SVEP1: variants seen among roughly 807,000 people sequenced by gnomAD.
The protein encoded by SVEP1 is sushi, von Willebrand factor type A, EGF and pentraxin domain-containing protein 1.
SVEP1 carries 164 observed loss-of-function variants against 367.3 expected under a neutral mutation model. That is an observed-to-expected ratio of 0.45 (90% CI 0.39 to 0.51). The LOEUF (loss-of-function observed/expected upper bound fraction) is 0.51, where lower values mean the gene tolerates loss of function less well. Ranked by LOEUF, SVEP1 falls within the 20% of genes least tolerant of loss-of-function variation. The pLI, the probability that SVEP1 is intolerant of heterozygous loss-of-function variation, is 0.00. For synonymous variants in SVEP1, 1,666 were observed against 1,611.6 expected (o/e 1.03, Z -0.81); for missense variants, 4,117 against 4,425.3 (o/e 0.93, Z 1.98).
At chr9:110,413,391 T>C (rs551194639) in intron 36 of SVEP1, among the ~76,000 whole-genome samples, 5 of 104,286 alleles carry the variant, frequency 4.8e-5, no homozygotes, top group Admixed American at 1.2e-4. Flanking sequence ...GGGACTGTTG[T>C]GGGGTGGGGG....
At chr9:110,416,169 G>T (rs191717496) in intron 36 of SVEP1, among the ~76,000 whole-genome samples, 2 of 151,894 alleles carry the variant, frequency 1.3e-5, no homozygotes, top group African/African-American at 4.9e-5. Flanking sequence ...TCACAAATGG[G>T]TTGGCAGACA....
At chr9:110,511,488 C>CTTTTTTTTTTTTTTTTTTTTTTTTTTT (rs199993986) in intron 5 of SVEP1, among the ~76,000 whole-genome samples, 5 of 77,552 alleles carry the variant, frequency 6.4e-5, no homozygotes, top group East Asian at 4.3e-4. Context: ...GTGTCAGTAC[C>CTTTTTTTTTTTTTTTTTTTTTTTTTTT]TTTTTTTTTT....
intron 1 of SVEP1, among the ~76,000 whole-genome samples, chr9:110,575,010 C>G (rs1830609970): frequency 6.6e-6 from 1 of 152,138 alleles, no homozygotes; most frequent in Non-Finnish European, 1.5e-5. Context: ...CTCCCAAAGT[C>G]CTGGGATTAC....
chr9:110,485,795 C>T (rs1210698105), intron 9 of SVEP1, among the ~76,000 whole-genome samples: 3 of 152,074 alleles, frequency 2.0e-5, no homozygotes, highest in Non-Finnish European at 4.4e-5. Context: ...AAATTGTAGC[C>T]ACAAGCATTA....
At chr9:110,558,998 T>C (rs1387073930) in intron 1 of SVEP1, among the ~76,000 whole-genome samples, 1 of 152,060 alleles carries the variant, frequency 6.6e-6, no homozygotes, top group African/African-American at 2.4e-5. Context: ...TTCAATAAAA[T>C]TAATTTTTGC....
chr9:110,479,551 T>G, intron 13 of SVEP1, 84 bp downstream of exon 13: 319 of 1,430,074 alleles, frequency 2.2e-4, no homozygotes, highest in Non-Finnish European at 2.7e-4. Flanking sequence ...GGAAATAGGA[T>G]GAGAAATCGC....
chr9:110,547,635 T>C (rs1272586989), intron 2 of SVEP1, among the ~76,000 whole-genome samples: 1 of 152,140 alleles, frequency 6.6e-6, no homozygotes, highest in Non-Finnish European at 1.5e-5. Context: ...TGTACCAGCA[T>C]TCAGGTCTGG....
Position 110,489,519 on chromosome 9 carries a change from C to G in SVEP1, c.1930+131G>C, listed in dbSNP as rs532176940. 4 of 788,980 alleles carry G rather than the reference C, an allele frequency of 5.1e-6. No homozygotes were observed. The African/African-American group carries it at 5.3e-5, about 10-fold the overall frequency. 48.9% of individuals were successfully genotyped at this position (788,980 alleles called of 1,614,324 possible). Reference sequence around the variant, plus strand: ...TGAGACTTATTCACTATCATGAGGACAGCATGGGAAAGACCCACCTCTATG... The same window carrying G: ...TGAGACTTATTCACTATCATGAGGAGAGCATGGGAAAGACCCACCTCTATG... On this transcript the variant is annotated intron_variant, in intron 9 of 47. Coordinates refer to ENST00000374469, the MANE Select transcript of SVEP1 (RefSeq NM_153366.4).
chr9:110,539,064 G>C (rs1470125813), intron 3 of SVEP1, among the ~76,000 whole-genome samples: 1 of 152,044 alleles, frequency 6.6e-6, no homozygotes, highest in African/African-American at 2.4e-5. Flanking sequence ...TAAGATTTCA[G>C]CAATGAGTTC....
At chr9:110,447,110 A>G (rs1275087271) in intron 24 of SVEP1, 53 bp from the exon 25 acceptor site, 1 of 1,327,010 alleles carries the variant, frequency 7.5e-7, no homozygotes, top group Admixed American at 3.5e-5. Flanking sequence ...GAAGTCTCCC[A>G]TTTATGATAA....
At chr9:110,368,396 G>A (rs1268576115) in intron 47 of SVEP1, among the ~76,000 whole-genome samples, 1 of 152,186 alleles carries the variant, frequency 6.6e-6, no homozygotes, top group African/African-American at 2.4e-5. Flanking sequence ...GCCTTCCCTT[G>A]AAGGTGAGCT....
At chr9:110,428,376 TTCTCCACTG>T (rs1214283474) in intron 35 of SVEP1, among the ~76,000 whole-genome samples, 1 of 138,456 alleles carries the variant, frequency 7.2e-6, no homozygotes, top group African/African-American at 2.6e-5. Flanking sequence ...CAGTCTGACT[TTCTCCACTG>T]TCCCCTCTGT....
At chr9:110,488,194 G>C (rs143593339) in intron 9 of SVEP1, among the ~76,000 whole-genome samples, 1 of 152,164 alleles carries the variant, frequency 6.6e-6, no homozygotes, top group South Asian at 2.1e-4. Context: ...GTGGTTGGCT[G>C]TGTCCTTTTC....
intron 5 of SVEP1, 65 bp downstream of exon 5, chr9:110,512,861 A>G: frequency 6.4e-7 from 1 of 1,566,546 alleles, no homozygotes; most frequent in East Asian, 2.2e-5. Flanking sequence ...CTGGTTTACT[A>G]GAGTTTAAAT....
Position 110,481,228 on chromosome 9 carries a change from A to C in SVEP1, c.2365+14T>G, listed in dbSNP as rs748228228. The C allele has an allele frequency of 2.0e-6, 3 of 1,500,294 alleles. No homozygotes were observed. The African/African-American group carries it at 4.2e-5, about 21-fold the overall frequency. 92.9% of individuals were successfully genotyped at this position (1,500,294 alleles called of 1,614,324 possible). A position where few individuals can be genotyped will look rare whatever the true frequency, so the allele number is the denominator to read the frequency against. On this transcript the variant is annotated intron_variant, in intron 12 of 47. Coordinates refer to ENST00000374469, the MANE Select transcript of SVEP1 (RefSeq NM_153366.4). ...ACACACATTAAAGAAGTCTAGAATA[A>C]AATTAAAACTTACTGGCACAGTCTG...
At chr9:110,430,091 T>C in intron 33 of SVEP1, 87 bp from the exon 34 acceptor site, 1 of 1,413,004 alleles carries the variant, frequency 7.1e-7, no homozygotes, top group Non-Finnish European at 9.5e-7. Context: ...AAGATCTTTT[T>C]TTGTTTGTTT....
At chr9:110,567,447 T>C (rs2118878360) in intron 1 of SVEP1, among the ~76,000 whole-genome samples, 1 of 152,280 alleles carries the variant, frequency 6.6e-6, no homozygotes. Flanking sequence ...CTCGGTCTCA[T>C]TCCATGAAAG....
intron 27 of SVEP1, among the ~76,000 whole-genome samples, chr9:110,439,675 C>T (rs570808234): frequency 6.6e-6 from 1 of 152,088 alleles, no homozygotes; most frequent in Non-Finnish European, 1.5e-5. Context: ...GCTGGGACTA[C>T]AGGTGTGAGC....
chr9:110,471,265 G>A, intron 16 of SVEP1, 99 bp downstream of exon 16: 1 of 982,832 alleles, frequency 1.0e-6, no homozygotes, highest in Non-Finnish European at 1.5e-6. Flanking sequence ...AGCAAAATAT[G>A]TTTCATTTCA....
Sources: gnomAD v4.1 joint callset for allele counts (sites outside exome capture counted in the v4.1 genomes callset) on GRCh38, gnomAD v4.1.1 for gene constraint, MANE v1.5 for transcripts, NCBI Gene and HGNC (gene_info 2026-07-23, HGNC 2026-07-21) for gene names.